KCNAB2: variants seen among roughly 807,000 people sequenced by gnomAD.
KCNAB2 encodes the protein potassium voltage-gated channel subfamily A regulatory beta subunit 2.
In KCNAB2, 29 loss-of-function variants were observed where a neutral mutation model predicts 63.6. The observed-to-expected ratio is 0.46, with a 90% confidence interval of 0.34 to 0.62. KCNAB2 has a LOEUF of 0.62. KCNAB2 is among the 20% of genes least tolerant of loss of function. KCNAB2 has a pLI of 0.01. For synonymous variants in KCNAB2, 222 were observed against 224.2 expected (o/e 0.99, Z 0.09); for missense variants, 359 against 563.9 (o/e 0.64, Z 3.68).
chr1:6,040,569 A>T (rs1660415360), exon 2 of KCNAB2: 3 of 1,613,960 alleles, frequency 1.9e-6, no homozygotes, highest in Non-Finnish European at 2.5e-6. Flanking sequence ...GGCTGGCTCC[A>T]TGTATCCAGA....
chr1:6,005,470 G>A (rs369322361), intron 1 of KCNAB2, among the ~76,000 whole-genome samples: 11 of 104,864 alleles, frequency 1.0e-4, no homozygotes, highest in South Asian at 7.0e-4. Context: ...AGGCGGGGAC[G>A]TGGCAGCCCA....
upstream of KCNAB2, among the ~76,000 whole-genome samples, chr1:6,042,551 A>G (rs973152713): frequency 2.0e-5 from 3 of 152,002 alleles, no homozygotes; most frequent in Non-Finnish European, 2.9e-5. Context: ...CAGGGGATGC[A>G]TGTTCTTGGT....
chr1:6,092,016 G>A (rs1357098599), intron 10 of KCNAB2, among the ~76,000 whole-genome samples: 2 of 152,220 alleles, frequency 1.3e-5, no homozygotes, highest in Non-Finnish European at 2.9e-5. Context: ...CACCCCAAGG[G>A]CAGGTGTCGA....
rs914685258 is a variant in KCNAB2, at chr1:5,998,869, C to T, written c.-53+6081C>T. Among the ~76,000 whole-genome samples the T allele has an allele frequency of 5.3e-5, 8 of 152,206 alleles. No homozygotes were observed. The East Asian group carries it at 9.6e-4, about 18-fold the overall frequency. The stretch of plus-strand genomic sequence containing the variant: ...TCCCTAAGGCCTCCAAGCTACTAGG[C>T]GCAGGAGCCAGGACCCCAAGCCAGA... On this transcript the variant is annotated intron_variant, in intron 1 of 16. Coordinates refer to the KCNAB2 transcript ENST00000341524.
At chr1:6,077,702 G>T (rs1017172606) in intron 4 of KCNAB2, among the ~76,000 whole-genome samples, 1 of 152,200 alleles carries the variant, frequency 6.6e-6, no homozygotes, top group African/African-American at 2.4e-5. Flanking sequence ...GGAGTGGGAG[G>T]CCTCCCGGTG....
chr1:6,080,768 T>C (rs1274383617), intron 4 of KCNAB2, among the ~76,000 whole-genome samples: 1 of 152,214 alleles, frequency 6.6e-6, no homozygotes, highest in East Asian at 1.9e-4. Context: ...CCTTCTCCCA[T>C]GGGTGCCCCC....
chr1:6,034,945 G>C (rs548247457), intron 1 of KCNAB2, among the ~76,000 whole-genome samples: 16 of 152,254 alleles, frequency 1.1e-4, no homozygotes, highest in Non-Finnish European at 1.6e-4. Flanking sequence ...AGTAGGTGGA[G>C]GAGAAGGCGT....
chr1:6,004,672 C>G (rs555874819), intron 1 of KCNAB2, among the ~76,000 whole-genome samples: 21 of 152,110 alleles, frequency 1.4e-4, no homozygotes, highest in African/African-American at 4.3e-4. Context: ...AGGGCCCATC[C>G]TAATCCAGGA....
chr1:6,075,659 G>A (rs1056489117), intron 4 of KCNAB2, among the ~76,000 whole-genome samples: 5 of 152,214 alleles, frequency 3.3e-5, no homozygotes, highest in Non-Finnish European at 7.3e-5. Context: ...CAGGTGCTGC[G>A]GCTCAGTCCG....
intron 5 of KCNAB2, among the ~76,000 whole-genome samples, chr1:6,083,089 T>C (rs908221659): frequency 2.0e-5 from 3 of 152,130 alleles, no homozygotes; most frequent in Non-Finnish European, 4.4e-5. Context: ...GGGCTGCCGC[T>C]GGGACCCTCA....
intron 1 of KCNAB2, among the ~76,000 whole-genome samples, chr1:6,040,350 GTGTC>G (rs900122239): frequency 1.3e-5 from 2 of 152,112 alleles, no homozygotes; most frequent in African/African-American, 2.4e-5. Flanking sequence ...TGCCTGCCGT[GTGTC>G]TGTCTGTCGT....
rs759840672 is a variant in KCNAB2, at chr1:6,024,703, G to C, written c.-52-15814G>C. Among the ~76,000 whole-genome samples the C allele has an allele frequency of 2.0e-5, 3 of 152,156 alleles. No individual in the cohort carries two copies. The highest frequency in any genetic ancestry group is 4.4e-5 in the Non-Finnish European group (3 of 68,038). The stretch of plus-strand genomic sequence containing the variant: ...CCCACAGAGTCAGGGCAACATCTCC[G>C]TGCTGGGGGCCAAGAGGATAACGGC... On this transcript the variant is annotated intron_variant, in intron 1 of 16. Coordinates refer to the KCNAB2 transcript ENST00000341524. This position sits in a 1 kb window ranked among gnomAD's most constrained non-coding sequence, Gnocchi z 5.4.
Position 6,003,115 on chromosome 1 carries a change from C to A in KCNAB2, c.-53+10327C>A, listed in dbSNP as rs1251613950. Among the ~76,000 whole-genome samples the A allele has an allele frequency of 1.3e-5, 2 of 152,228 alleles. No homozygotes were observed. The highest frequency in any genetic ancestry group is 1.3e-4 in the Admixed American group (2 of 15,290). The stretch of plus-strand genomic sequence containing the variant: ...CCCGTTCACGGGGCGGGCGCTCGCC[C>A]TTGGCCTCGCTCCTGAGCCACAGTC... On this transcript the variant is annotated intron_variant, in intron 1 of 16. Transcript: ENST00000341524. The surrounding 1 kb of genome is among the most constrained non-coding windows in gnomAD (Gnocchi z 4.1).
At position 6,078,056 on chromosome 1, in the gene KCNAB2, C is replaced by T. The variant is rs1425764610; in HGVS notation, c.301-4139C>T. Among the ~76,000 whole-genome samples the T allele has an allele frequency of 6.7e-6, 1 of 149,062 alleles. No homozygotes were observed. Among genetic ancestry groups the T allele is most frequent in the Admixed American group, 6.6e-5 (1 of 15,128 alleles). ...CGGGCTTCCTTCTCCCGGCCAGGAC[C>T]TTTCCCGGCCTAAGTCCAGGAGTCA... On this transcript the variant is annotated intron_variant, in intron 4 of 15. Transcript: ENST00000378083. This position sits in a 1 kb window ranked among gnomAD's most constrained non-coding sequence, Gnocchi z 4.2.
chr1:6,098,584 G>C lies in KCNAB2; in HGVS notation c.*10G>C, dbSNP rs1355804493. ...GGACTACAGATCCTAAGCCGCCCCC[G>C]CCCGCCTGCTCGGACAGTTTCCGTT... On this transcript the variant is annotated 3_prime_UTR_variant, in exon 16 of 16. Coordinates refer to ENST00000378083, the MANE Select transcript of KCNAB2 (RefSeq NM_001199862.2). 1 of 1,612,872 alleles carries C rather than the reference G, an allele frequency of 6.2e-7. No homozygotes were observed. Among genetic ancestry groups the C allele is most frequent in the Non-Finnish European group, 8.5e-7 (1 of 1,179,440 alleles).
intron 10 of KCNAB2, 128 bp from the exon 11 acceptor site, chr1:6,094,272 T>C: frequency 1.5e-6 from 1 of 675,038 alleles, no homozygotes; most frequent in Non-Finnish European, 2.6e-6. Flanking sequence ...GGAAGTACAC[T>C]GCTTGCAAGA....
At position 6,024,757 on chromosome 1, in the gene KCNAB2, G is replaced by T. The variant is rs1365706079; in HGVS notation, c.-52-15760G>T. 1.3e-5 allele frequency among the ~76,000 whole-genome samples: 2 copies of T among 152,172 alleles called. No homozygotes were observed. Among genetic ancestry groups the T allele is most frequent in the African/African-American group, 4.8e-5 (2 of 41,438 alleles). ...TCTCTGGCTCTGGGAGGCAGCAGAGGTCACCTGTCCAGAGCCAGAGTTCCA... is the reference window on the plus strand; with the variant it reads ...TCTCTGGCTCTGGGAGGCAGCAGAGTTCACCTGTCCAGAGCCAGAGTTCCA... On this transcript the variant is annotated intron_variant, in intron 1 of 16. Coordinates refer to the KCNAB2 transcript ENST00000341524. The surrounding 1 kb of genome is among the most constrained non-coding windows in gnomAD (Gnocchi z 5.4).
chr1:6,092,387 A>G (rs1665259773), intron 10 of KCNAB2, among the ~76,000 whole-genome samples: 1 of 152,224 alleles, frequency 6.6e-6, no homozygotes, highest in African/African-American at 2.4e-5. Context: ...CCATCACTGC[A>G]TGGAAGGGGC....
intron 1 of KCNAB2, among the ~76,000 whole-genome samples, chr1:6,023,850 G>A (rs1013315958): frequency 6.6e-6 from 1 of 151,856 alleles, no homozygotes. Flanking sequence ...ATAACTCACT[G>A]TAGCCTCAAA....
Sources: gnomAD v4.1 joint callset for allele counts (sites outside exome capture counted in the v4.1 genomes callset) on GRCh38, gnomAD v4.1.1 for gene constraint, Gnocchi (gnomAD v3.1) non-coding constraint, MANE v1.5 for transcripts, NCBI Gene and HGNC (gene_info 2026-07-23, HGNC 2026-07-21) for gene names.